The following VPS37A variants were observed in gnomAD, a reference collection of about 807,000 sequenced individuals.
VPS37A encodes the protein vacuolar protein sorting-associated protein 37A.
In VPS37A, 30 loss-of-function variants were observed where a neutral mutation model predicts 49.8. That is an observed-to-expected ratio of 0.60 (90% CI 0.45 to 0.82). The LOEUF is 0.82. Among genes scored for constraint, VPS37A ranks in the 40% least tolerant of loss-of-function variants. The pLI, the probability that VPS37A is intolerant of heterozygous loss-of-function variation, is 0.00. For synonymous variants in VPS37A, 195 were observed against 160.6 expected, an observed-to-expected ratio of 1.21 and a Z score of -1.62; for missense variants, 593 against 464.4, an observed-to-expected ratio of 1.28 and a Z score of -2.55.
downstream of VPS37A, among the ~76,000 whole-genome samples, chr8:17,305,532 T>C (rs1817391350): frequency 6.6e-6 from 1 of 152,188 alleles, no homozygotes; most frequent in Admixed American, 6.6e-5. Context: ...TCAAGCTGTC[T>C]ATCAGGCAGA....
intron 10 of VPS37A, 45 bp downstream of exon 10, chr8:17,284,661 G>T: frequency 6.5e-7 from 1 of 1,540,146 alleles, no homozygotes; most frequent in South Asian, 1.3e-5. Flanking sequence ...GATAAAGTTT[G>T]GTATTTTTAT....
chr8:17,258,646 T>G (rs1812697151), intron 1 of VPS37A, among the ~76,000 whole-genome samples: 2 of 151,824 alleles, frequency 1.3e-5, no homozygotes, highest in Admixed American at 1.3e-4. Flanking sequence ...TAGAATGAGT[T>G]TGGAAGTAGT....
At chr8:17,332,866 G>T in the VPS37A span, among the ~76,000 whole-genome samples, 15 of 152,130 alleles carry the variant, frequency 9.9e-5, no homozygotes, top group Non-Finnish European at 2.9e-5. Flanking sequence ...GAATAAAAAT[G>T]TATAGAAAAC....
intron 11 of VPS37A, among the ~76,000 whole-genome samples, chr8:17,286,965 T>C (rs922710177): frequency 1.3e-5 from 2 of 152,224 alleles, no homozygotes; most frequent in Non-Finnish European, 2.9e-5. Flanking sequence ...GTAATGACAG[T>C]ATCCATGCCA....
Position 17,246,970 on chromosome 8 carries a change from G to A in VPS37A, c.-275G>A, listed in dbSNP as rs547889385. On this transcript the variant is annotated 5_prime_UTR_variant, in exon 1 of 12. Transcript: ENST00000324849. ...CGGGTGGTGGAGCGCTGGGCGGCCA[G>A]GCTCCCTGGCTGGCCGGTTTGGGCG... 44 of 470,640 alleles carry A rather than the reference G, an allele frequency of 9.3e-5. No homozygotes were observed. In the Admixed American group the frequency reaches 1.6e-3, roughly 17 times the overall value. 29.2% of individuals were successfully genotyped at this position (470,640 alleles called of 1,614,324 possible). A position where few individuals can be genotyped will look rare whatever the true frequency, so the allele number is the denominator to read the frequency against.
At chr8:17,275,273 T>G (rs1472668590) in intron 5 of VPS37A, among the ~76,000 whole-genome samples, 1 of 152,184 alleles carries the variant, frequency 6.6e-6, no homozygotes, top group Non-Finnish European at 1.5e-5. Flanking sequence ...TTTCACCACT[T>G]TCTTAGTGCC....
intron 6 of VPS37A, among the ~76,000 whole-genome samples, chr8:17,278,812 C>T (rs1384555828): frequency 6.6e-6 from 1 of 151,864 alleles, no homozygotes; most frequent in Non-Finnish European, 1.5e-5. Context: ...TTAGAATATA[C>T]AGGTTTATTT....
rs1206507385 is a variant in VPS37A, at chr8:17,247,240, G to A, written c.-5G>A. ...CAGGGCCTCCGGCCCGTGGACCCGA[G>A]GAGGATGAGCTGGCTTTTTCCCCTG... On this transcript the variant is annotated 5_prime_UTR_variant, in exon 1 of 12. Coordinates refer to ENST00000324849, the MANE Select transcript of VPS37A (RefSeq NM_152415.3). 3.2e-6 allele frequency: 5 copies of A among 1,568,602 alleles called. No homozygotes were observed. Among genetic ancestry groups the A allele is most frequent in the Non-Finnish European group, 4.3e-6 (5 of 1,156,636 alleles).
At chr8:17,257,056 T>G (rs569235773) in intron 1 of VPS37A, among the ~76,000 whole-genome samples, 1 of 152,340 alleles carries the variant, frequency 6.6e-6, no homozygotes, top group South Asian at 2.1e-4. Context: ...TTCCATAGTT[T>G]CAGGTCTTAG....
At chr8:17,308,615 C>T in the VPS37A span, among the ~76,000 whole-genome samples, 2 of 152,154 alleles carry the variant, frequency 1.3e-5, no homozygotes, top group Non-Finnish European at 2.9e-5. Flanking sequence ...AAACTAAGTA[C>T]AGCTATACCA....
chr8:17,260,922 G>A (rs1375064795), intron 1 of VPS37A, among the ~76,000 whole-genome samples: 1 of 152,160 alleles, frequency 6.6e-6, no homozygotes, highest in East Asian at 1.9e-4. Context: ...ACCTTTGAGA[G>A]TTTGATGATT....
chr8:17,333,200 C>G, the VPS37A span, among the ~76,000 whole-genome samples: 1 of 152,048 alleles, frequency 6.6e-6, no homozygotes, highest in Non-Finnish European at 1.5e-5. Flanking sequence ...CATCTTTCTC[C>G]CAGGCATGCT....
chr8:17,276,758 G>T (rs1370880289), intron 6 of VPS37A, among the ~76,000 whole-genome samples: 1 of 151,882 alleles, frequency 6.6e-6, no homozygotes, highest in African/African-American at 2.4e-5. Flanking sequence ...AAATATTTTT[G>T]AATACATTAT....
chr8:17,322,539 G>A, the VPS37A span, among the ~76,000 whole-genome samples: 1 of 152,222 alleles, frequency 6.6e-6, no homozygotes, highest in Non-Finnish European at 1.5e-5. Context: ...AAAACATGTG[G>A]CTGGGCACAT....
In VPS37A at chr8:17,274,932, A is replaced by T. The variant is rs17502618; in HGVS notation, c.616A>T (p.Ile206Phe). The T allele has an allele frequency of 0.01, 16,618 of 1,614,096 alleles. 114 individuals are homozygous for T. The highest frequency in any genetic ancestry group is 0.015 in the Middle Eastern group (92 of 6,062). Reference sequence around the variant, plus strand: ...TGTCCTTTCAAATCTGCCATTACCCATTCCCACAGTGGATGCTTCAATACC... The same window carrying T: ...TGTCCTTTCAAATCTGCCATTACCCTTTCCCACAGTGGATGCTTCAATACC... ...FGVLSNLPLP[I>F]PTVDASIPTS... Residue 206 changes from isoleucine to phenylalanine, a missense_variant, in exon 5 of 12, where the codon ATT (isoleucine) becomes TTT (phenylalanine). Ile to Phe is a conservative substitution (Grantham distance 21). Transcript: ENST00000324849.
In VPS37A at chr8:17,264,731, G is replaced by C. The variant is rs1297273317; in HGVS notation, c.126-1176G>C. On this transcript the variant is annotated intron_variant, in intron 1 of 11. Transcript: ENST00000324849. ...ATCATTAGTCATAAGCTAGATCTTTGAAGGGTATTCATGCTTGAAGAAGTT... is the reference window on the plus strand; with the variant it reads ...ATCATTAGTCATAAGCTAGATCTTTCAAGGGTATTCATGCTTGAAGAAGTT... Among the ~76,000 whole-genome samples the C allele has an allele frequency of 3.3e-5, 5 of 152,156 alleles. No individual in the cohort carries two copies. In the East Asian group the frequency reaches 7.7e-4, roughly 23 times the overall value.
chr8:17,322,680 C>T, the VPS37A span, among the ~76,000 whole-genome samples: 10 of 152,030 alleles, frequency 6.6e-5, no homozygotes, highest in African/African-American at 2.4e-4. Flanking sequence ...AAAAAATTAG[C>T]TGGGTGTGGA....
chr8:17,299,270 C>G (rs1816941062), downstream of VPS37A: 2 of 152,190 alleles, frequency 1.3e-5, no homozygotes, highest in African/African-American at 4.8e-5. Flanking sequence ...CAAAATTATT[C>G]TCACAATTCA....
At chr8:17,261,587 CT>C (rs1327735571) in intron 1 of VPS37A, among the ~76,000 whole-genome samples, 1 of 152,156 alleles carries the variant, frequency 6.6e-6, no homozygotes, top group African/African-American at 2.4e-5. Context: ...TCTTCTCTCT[CT>C]GGCTTGTTTT....
Sources: allele counts gnomAD v4.1 joint callset (sites outside exome capture counted in the v4.1 genomes callset), GRCh38; gene constraint gnomAD v4.1.1; transcripts MANE v1.5; gene names NCBI Gene and HGNC (gene_info 2026-07-23, HGNC 2026-07-21).